The following DPF3 variants were observed in gnomAD, a reference collection of about 807,000 sequenced individuals.
DPF3 encodes double PHD fingers 3, also known as zinc finger protein DPF3.
Under a neutral mutation model 56.8 loss-of-function variants are expected in DPF3, and 18 were observed. The ratio of observed to expected loss-of-function variants is 0.32; its 90% CI spans 0.22 to 0.47. The LOEUF is 0.47. DPF3 is among the 20% of genes least tolerant of loss of function. DPF3 has a pLI of 1.00. For synonymous variants in DPF3, 188 were observed against 180.2 expected (o/e 1.04, Z -0.35); for missense variants, 403 against 488.8 (o/e 0.82, Z 1.65).
chr14:72,788,443 G>A (rs964618172), intron 1 of DPF3, among the ~76,000 whole-genome samples: 2 of 152,240 alleles, frequency 1.3e-5, no homozygotes, highest in East Asian at 1.9e-4. Context: ...GAGGGGGGCC[G>A]CAGAGTCACT....
intron 1 of DPF3, among the ~76,000 whole-genome samples, chr14:72,884,666 T>A (rs1442959814): frequency 2.6e-5 from 4 of 151,656 alleles, no homozygotes; most frequent in Non-Finnish European, 4.4e-5. Flanking sequence ...ACCCACCTCC[T>A]GTTGTCAGAC....
chr14:72,645,949 G>A (rs1885711397), intron 8 of DPF3, among the ~76,000 whole-genome samples: 1 of 152,172 alleles, frequency 6.6e-6, no homozygotes, highest in Non-Finnish European at 1.5e-5. Context: ...ACTTGCATGA[G>A]CATCCCCTGG....
chr14:72,670,585 C>T (rs1007965694), intron 8 of DPF3: 4 of 986,910 alleles, frequency 4.1e-6, no homozygotes, highest in Non-Finnish European at 3.6e-6. Flanking sequence ...TTCTCCCCAC[C>T]GGGCGGCTTG....
chr14:72,746,530 C>T (rs1428722578), intron 3 of DPF3, among the ~76,000 whole-genome samples: 1 of 152,234 alleles, frequency 6.6e-6, no homozygotes, highest in African/African-American at 2.4e-5. Context: ...AAGAGGGGAA[C>T]AAGTTCCTCT....
chr14:72,633,267 G>T (rs1885272236), intron 8 of DPF3, among the ~76,000 whole-genome samples: 1 of 152,132 alleles, frequency 6.6e-6, no homozygotes, highest in African/African-American at 2.4e-5. Flanking sequence ...ATGTTGAGTG[G>T]ATAGTTGAAT....
At chr14:72,628,970 A>AT (rs1361281627) in intron 9 of DPF3, among the ~76,000 whole-genome samples, 1 of 152,236 alleles carries the variant, frequency 6.6e-6, no homozygotes, top group Admixed American at 6.5e-5. Context: ...CTTCAAAGAC[A>AT]TATCAACTAA....
chr14:72,736,743 C>A (rs1282950479), intron 3 of DPF3, among the ~76,000 whole-genome samples: 1 of 152,062 alleles, frequency 6.6e-6, no homozygotes. Context: ...TTGAATATGG[C>A]CCATCTGGAT....
chr14:72,827,179 G>A (rs952127496), intron 1 of DPF3, among the ~76,000 whole-genome samples: 10 of 151,882 alleles, frequency 6.6e-5, no homozygotes, highest in South Asian at 6.2e-4. Context: ...GGGTGGTTAC[G>A]ACAGACAATA....
intron 8 of DPF3, among the ~76,000 whole-genome samples, chr14:72,652,990 G>A (rs1191739670): frequency 6.6e-6 from 1 of 152,120 alleles, no homozygotes; most frequent in Non-Finnish European, 1.5e-5. Flanking sequence ...TCTGTTGTGG[G>A]TTTCAATTCC....
At chr14:72,756,884 G>GAAAGAAAAGAAAAAAA (rs1890835914) in intron 2 of DPF3, among the ~76,000 whole-genome samples, 40 of 47,806 alleles carry the variant, frequency 8.4e-4, no homozygotes, top group African/African-American at 3.5e-3. Flanking sequence ...AAGGAAAGAA[G>GAAAGAAAAGAAAAAAA]GAAAGAAAGA....
At chr14:72,716,112 G>A (rs1166382199) in intron 5 of DPF3, among the ~76,000 whole-genome samples, 2 of 151,808 alleles carry the variant, frequency 1.3e-5, no homozygotes, top group Non-Finnish European at 2.9e-5. Flanking sequence ...GAATGACGAG[G>A]CAACAGCAGA....
At chr14:72,848,597 A>G (rs976827895) in intron 1 of DPF3, among the ~76,000 whole-genome samples, 7 of 152,218 alleles carry the variant, frequency 4.6e-5, no homozygotes, top group Admixed American at 1.3e-4. Flanking sequence ...GGCTTGGAAC[A>G]TAGTAGTTGC....
chr14:72,689,811 T>A (rs1334954320), intron 7 of DPF3, among the ~76,000 whole-genome samples: 4 of 151,108 alleles, frequency 2.6e-5, no homozygotes, highest in African/African-American at 9.7e-5. Context: ...AAATTGGGGG[T>A]GGGGGAAAGG....
intron 8 of DPF3, among the ~76,000 whole-genome samples, chr14:72,644,997 C>T (rs1295220062): frequency 6.6e-6 from 1 of 152,234 alleles, no homozygotes; most frequent in African/African-American, 2.4e-5. Context: ...TTCAGCACAG[C>T]ACTCCAAGTG....
chr14:72,887,138 C>T (rs1033615425), intron 1 of DPF3, among the ~76,000 whole-genome samples: 1 of 147,848 alleles, frequency 6.8e-6, no homozygotes, highest in Non-Finnish European at 1.5e-5. Context: ...AAATTGGTTA[C>T]CCTTCTGCCT....
At chr14:72,843,530 A>G (rs1884633352) in intron 1 of DPF3, among the ~76,000 whole-genome samples, 3 of 152,270 alleles carry the variant, frequency 2.0e-5, no homozygotes, top group South Asian at 4.1e-4. Context: ...AATATTTATC[A>G]TAGCTGCTAA....
chr14:72,618,355 G>A lies in DPF3; in HGVS notation c.*942C>T, dbSNP rs556234196. Among the ~76,000 whole-genome samples, 93 of 152,198 alleles carry A rather than the reference G, an allele frequency of 6.1e-4. 1 individual carries two copies. The highest frequency in any genetic ancestry group is 2.0e-3 in the African/African-American group (82 of 41,516). ...CTGCAGCCCCCTGTATCCAGCATTC[G>A]GACACATGATTGGGCAGCCTTCGCT... On this transcript the variant is annotated 3_prime_UTR_variant, in exon 11 of 11. Coordinates refer to ENST00000556509, the MANE Select transcript of DPF3 (RefSeq NM_001280542.3).
chr14:72,699,580 C>T (rs570140144), intron 6 of DPF3, among the ~76,000 whole-genome samples: 162 of 147,500 alleles, frequency 1.1e-3, no homozygotes, highest in Middle Eastern at 3.5e-3. Flanking sequence ...GAGTGAGCAA[C>T]ATAAGCCAAA....
At chr14:72,688,898 C>T (rs865816823) in intron 7 of DPF3, among the ~76,000 whole-genome samples, 4 of 152,168 alleles carry the variant, frequency 2.6e-5, no homozygotes, top group African/African-American at 4.8e-5. Context: ...TGTTTGAGCT[C>T]CAAGCATCCC....
Sources: allele counts gnomAD v4.1 joint callset (sites outside exome capture counted in the v4.1 genomes callset), GRCh38; gene constraint gnomAD v4.1.1; transcripts MANE v1.5; gene names NCBI Gene and HGNC (gene_info 2026-07-23, HGNC 2026-07-21).